The following ARHGEF26 variants were observed in gnomAD, a reference collection of about 807,000 sequenced individuals.
ARHGEF26 encodes Rho guanine nucleotide exchange factor 26.
Under a neutral mutation model 89.4 loss-of-function variants are expected in ARHGEF26, and 59 were observed. That is an observed-to-expected ratio of 0.66 (90% CI 0.54 to 0.82). ARHGEF26 has a LOEUF of 0.82. ARHGEF26 is among the 40% of genes least tolerant of loss of function. ARHGEF26 has a pLI of 0.00. For synonymous variants in ARHGEF26, 500 were observed against 428.4 expected (o/e 1.17, Z -2.06); for missense variants, 1,234 against 1,085.6 (o/e 1.14, Z -1.92).
chr3:154,127,936 A>G lies in ARHGEF26; in HGVS notation c.1124-1638A>G, dbSNP rs188901776. ...ATATTATGCAATGCGTGACTGTATT[A>G]TGTTTCCTCTTATGTTCGCATTATA... On this transcript the variant is annotated intron_variant, in intron 3 of 14. Coordinates refer to ENST00000465093, the MANE Select transcript of ARHGEF26 (RefSeq NM_015595.4). Among the ~76,000 whole-genome samples, 24 of 152,234 alleles carry G rather than the reference A, an allele frequency of 1.6e-4. No individual in the cohort carries two copies. The East Asian group carries it at 2.7e-3, about 17-fold the overall frequency.
At chr3:154,138,698 A>G (rs994436063) in intron 4 of ARHGEF26, among the ~76,000 whole-genome samples, 2 of 152,222 alleles carry the variant, frequency 1.3e-5, no homozygotes, top group Admixed American at 6.5e-5. Context: ...TTCAACTACA[A>G]ACCTACAACA....
chr3:154,250,616 C>T lies in ARHGEF26; in HGVS notation c.2301-2500C>T, dbSNP rs16823823. ...GATACTGGCCACTCAGTGCCAGAGA[C>T]GGTGTCTGTGTACAGGAAGATCTGC... On this transcript the variant is annotated intron_variant, in intron 12 of 14. Coordinates refer to ENST00000465093, the MANE Select transcript of ARHGEF26 (RefSeq NM_015595.4). 5.7e-3 allele frequency among the ~76,000 whole-genome samples: 861 copies of T among 152,264 alleles called. 9 individuals carry two copies. The highest frequency in any genetic ancestry group is 0.02 in the African/African-American group (837 of 41,554).
intron 6 of ARHGEF26, among the ~76,000 whole-genome samples, chr3:154,176,737 A>C (rs114566107): frequency 1.8e-3 from 271 of 152,330 alleles, no homozygotes; most frequent in Middle Eastern, 6.8e-3. Flanking sequence ...GTTTCAGAGA[A>C]AAAGGGTAAT....
intron 5 of ARHGEF26, among the ~76,000 whole-genome samples, chr3:154,151,233 A>G (rs1420013811): frequency 2.0e-5 from 3 of 152,162 alleles, no homozygotes; most frequent in Non-Finnish European, 4.4e-5. Flanking sequence ...AGACATTATA[A>G]CCCTAAATGG....
At chr3:154,197,876 T>A (rs1055009157) in intron 9 of ARHGEF26, among the ~76,000 whole-genome samples, 48 of 152,210 alleles carry the variant, frequency 3.2e-4, no homozygotes, top group African/African-American at 1.1e-3. Context: ...TAAGGAATAG[T>A]GATCAAGAGA....
At chr3:154,155,534 A>G (rs1417330620) in intron 6 of ARHGEF26, among the ~76,000 whole-genome samples, 1 of 152,046 alleles carries the variant, frequency 6.6e-6, no homozygotes, top group Non-Finnish European at 1.5e-5. Flanking sequence ...GAAATGATGA[A>G]CATAACTGAA....
chr3:154,164,328 C>A (rs1711858978), intron 6 of ARHGEF26, among the ~76,000 whole-genome samples: 1 of 151,962 alleles, frequency 6.6e-6, no homozygotes, highest in African/African-American at 2.4e-5. Flanking sequence ...TATTACCATT[C>A]TCTAATTGTT....
At chr3:154,194,343 A>G (rs1266740804) in intron 8 of ARHGEF26, among the ~76,000 whole-genome samples, 1 of 152,182 alleles carries the variant, frequency 6.6e-6, no homozygotes, top group Non-Finnish European at 1.5e-5. Flanking sequence ...AGAGGCTTAT[A>G]AAGATAGAGT....
At chr3:154,215,218 T>C (rs1715644674) in intron 9 of ARHGEF26, among the ~76,000 whole-genome samples, 1 of 152,082 alleles carries the variant, frequency 6.6e-6, no homozygotes, top group Non-Finnish European at 1.5e-5. Flanking sequence ...TCACACACTT[T>C]CTCATCTCAT....
At chr3:154,252,624 T>G (rs533572039) in intron 12 of ARHGEF26, among the ~76,000 whole-genome samples, 1 of 152,206 alleles carries the variant, frequency 6.6e-6, no homozygotes, top group Admixed American at 6.5e-5. Flanking sequence ...GTAAGACTCA[T>G]ATTTGGCAAA....
At chr3:154,190,589 G>A (rs918272675) in intron 7 of ARHGEF26, among the ~76,000 whole-genome samples, 2 of 152,150 alleles carry the variant, frequency 1.3e-5, no homozygotes, top group Non-Finnish European at 2.9e-5. Context: ...GGTGAGGTAG[G>A]GACCTTTCTG....
intron 9 of ARHGEF26, among the ~76,000 whole-genome samples, chr3:154,214,536 CAG>C (rs1715596624): frequency 6.6e-6 from 1 of 152,096 alleles, no homozygotes; most frequent in African/African-American, 2.4e-5. Flanking sequence ...CCAGGATAGA[CAG>C]TGTGGAGCCA....
At chr3:154,156,560 T>A (rs1349514388) in intron 6 of ARHGEF26, among the ~76,000 whole-genome samples, 1 of 152,184 alleles carries the variant, frequency 6.6e-6, no homozygotes, top group Admixed American at 6.5e-5. Context: ...GTTCAGCTTT[T>A]ACATGATAAC....
rs1187332964 is a variant in ARHGEF26, at chr3:154,129,096, CTG to C, written c.1124-476_1124-475del. 4.6e-5 allele frequency among the ~76,000 whole-genome samples: 7 copies of C among 152,166 alleles called. No homozygotes were observed. In the East Asian group the frequency reaches 1.4e-3, roughly 29 times the overall value. On this transcript the variant is annotated intron_variant, in intron 3 of 14. Transcript: ENST00000465093. ...GAATTTGACAGTTTTTTTAATTAAA[CTG>C]TTAGCTCATGAGAGGTGGATGAGGG... is the stretch of plus-strand genomic sequence containing the variant.
At chr3:154,202,651 A>G (rs1386231122) in intron 9 of ARHGEF26, among the ~76,000 whole-genome samples, 1 of 152,066 alleles carries the variant, frequency 6.6e-6, no homozygotes, top group African/African-American at 2.4e-5. Flanking sequence ...ATGTTCTTCC[A>G]TTTGTTTGTA....
At chr3:154,148,289 C>T (rs1457436426) in intron 4 of ARHGEF26, among the ~76,000 whole-genome samples, 3 of 152,172 alleles carry the variant, frequency 2.0e-5, no homozygotes, top group Non-Finnish European at 4.4e-5. Flanking sequence ...CCCGGAATCT[C>T]TTTTTCTAGC....
intron 1 of ARHGEF26, 50 bp from the exon 2 acceptor site, chr3:154,121,892 G>A (rs1576669359): frequency 5.5e-6 from 8 of 1,457,468 alleles, no homozygotes; most frequent in Non-Finnish European, 7.3e-6. Context: ...AGTCGGCCAG[G>A]CGTCCCCGGT....
At chr3:154,130,038 T>C (rs764582328) in intron 4 of ARHGEF26, among the ~76,000 whole-genome samples, 3 of 152,148 alleles carry the variant, frequency 2.0e-5, no homozygotes, top group Non-Finnish European at 4.4e-5. Context: ...GCTATTTACA[T>C]ATATATGCGT....
chr3:154,219,720 T>C (rs1438595381), intron 10 of ARHGEF26, among the ~76,000 whole-genome samples: 1 of 152,018 alleles, frequency 6.6e-6, no homozygotes, highest in Non-Finnish European at 1.5e-5. Flanking sequence ...GAGACCATCC[T>C]GGCTAACACA....
Sources: allele counts gnomAD v4.1 joint callset (sites outside exome capture counted in the v4.1 genomes callset), GRCh38; gene constraint gnomAD v4.1.1; transcripts MANE v1.5; gene names NCBI Gene and HGNC (gene_info 2026-07-23, HGNC 2026-07-21).